The following DDX21 variants were observed in gnomAD, a reference collection of about 807,000 sequenced individuals.
DDX21 encodes DExD-box helicase 21.
Under a neutral mutation model 90.0 loss-of-function variants are expected in DDX21, and 18 were observed. That is an observed-to-expected ratio of 0.20 (90% CI 0.14 to 0.30). The LOEUF (loss-of-function observed/expected upper bound fraction) is 0.30, where lower values mean the gene tolerates loss of function less well. DDX21 is among the 10% of genes least tolerant of loss of function. The pLI, the probability that DDX21 is intolerant of heterozygous loss-of-function variation, is 1.00. For missense variants in DDX21, 673 were observed against 944.5 expected, an observed-to-expected ratio of 0.71 and a Z score of 3.77; for synonymous variants, 294 against 318.0, an observed-to-expected ratio of 0.92 and a Z score of 0.80.
At chr10:68,982,427 A>T (rs1473336000) in intron 14 of DDX21, 116 bp from the exon 15 acceptor site, 2 of 1,382,228 alleles carry the variant, frequency 1.4e-6, no homozygotes, top group African/African-American at 2.9e-5. Context: ...GTGACTTGTT[A>T]AGCACTTATG....
In DDX21 at chr10:68,956,537, C is replaced by T. The variant is rs1042701570; in HGVS notation, c.87+225C>T. The T allele has an allele frequency of 1.7e-5, 24 of 1,397,562 alleles. No homozygotes were observed. In the Admixed American group the frequency reaches 1.8e-4, roughly 10 times the overall value. The allele number at this position is 1,397,562 out of a possible 1,614,324, so 86.6% of individuals were successfully genotyped here. ...CAGGTCCGCCGTGCGCTGACCTCTT[C>T]CTCTGAGCTTATAGGCATCCACAGG... On this transcript the variant is annotated intron_variant, in intron 1 of 14. Transcript: ENST00000354185.
At chr10:68,981,302 T>C (rs1422651947) in intron 13 of DDX21, among the ~76,000 whole-genome samples, 1 of 152,254 alleles carries the variant, frequency 6.6e-6, no homozygotes, top group Non-Finnish European at 1.5e-5. Context: ...TGTCTATAGT[T>C]AGAAAGTTCT....
intron 11 of DDX21, among the ~76,000 whole-genome samples, chr10:68,976,637 G>A (rs1843105711): frequency 6.6e-6 from 1 of 152,070 alleles, no homozygotes; most frequent in Non-Finnish European, 1.5e-5. Flanking sequence ...AGCATGGCAT[G>A]TTTTTTTAAG....
chr10:68,973,397 G>A, intron 9 of DDX21, 148 bp from the exon 10 acceptor site: 7 of 911,260 alleles, frequency 7.7e-6, no homozygotes, highest in Non-Finnish European at 1.1e-5. Flanking sequence ...ATTGCCAGAG[G>A]TCTTTAAATT....
At chr10:68,974,192 A>G (rs900117936) in intron 10 of DDX21, among the ~76,000 whole-genome samples, 24 of 152,348 alleles carry the variant, frequency 1.6e-4, no homozygotes, top group Middle Eastern at 6.8e-3. Flanking sequence ...GGGTCACATC[A>G]TTAGTGATAG....
intron 9 of DDX21, among the ~76,000 whole-genome samples, chr10:68,972,806 G>A (rs930776054): frequency 3.9e-5 from 6 of 152,080 alleles, no homozygotes; most frequent in African/African-American, 7.2e-5. Context: ...TTTATTATGC[G>A]GTCTGGATTT....
At chr10:68,969,361 C>T (rs2132086858) in intron 7 of DDX21, among the ~76,000 whole-genome samples, 1 of 152,316 alleles carries the variant, frequency 6.6e-6, no homozygotes, top group African/African-American at 2.4e-5. Context: ...TTCACTGCAA[C>T]CTCCACCTCC....
At chr10:68,957,041 C>CAAAAA (rs34149138) in intron 1 of DDX21, among the ~76,000 whole-genome samples, 1 of 138,210 alleles carries the variant, frequency 7.2e-6, no homozygotes, top group African/African-American at 2.7e-5. Context: ...AACTCCATCT[C>CAAAAA]AAAAAAAAAA....
At chr10:68,962,448 G>A (rs1048700418) in intron 3 of DDX21, among the ~76,000 whole-genome samples, 4 of 152,112 alleles carry the variant, frequency 2.6e-5, no homozygotes, top group Non-Finnish European at 4.4e-5. Flanking sequence ...AACCTGTCCC[G>A]ACAAAAAGTT....
chr10:68,981,672 G>A, intron 14 of DDX21, 91 bp downstream of exon 14: 1 of 1,135,352 alleles, frequency 8.8e-7, no homozygotes, highest in Non-Finnish European at 1.3e-6. Flanking sequence ...GGAAACAATA[G>A]TTCTGGTTCC....
intron 3 of DDX21, among the ~76,000 whole-genome samples, chr10:68,963,024 G>A (rs1298457253): frequency 6.6e-6 from 1 of 152,158 alleles, no homozygotes; most frequent in African/African-American, 2.4e-5. Context: ...CTGTCCATCA[G>A]GCTGAGGCAG....
At chr10:68,982,470 TTTTG>T (rs1323584133) in intron 14 of DDX21, 69 bp from the exon 15 acceptor site, 6 of 1,531,252 alleles carry the variant, frequency 3.9e-6, no homozygotes, top group East Asian at 2.3e-5. Flanking sequence ...GTGGCAAATA[TTTTG>T]TTTTTCTCAT....
At chr10:68,966,911 A>T in intron 5 of DDX21, 107 bp from the exon 6 acceptor site, 1 of 817,324 alleles carries the variant, frequency 1.2e-6, no homozygotes, top group Non-Finnish European at 1.8e-6. Context: ...TTGTACTTGT[A>T]GGTATTTAAC....
chr10:68,972,996 C>G (rs1354627131), intron 9 of DDX21, among the ~76,000 whole-genome samples: 1 of 151,952 alleles, frequency 6.6e-6, no homozygotes, highest in Non-Finnish European at 1.5e-5. Context: ...ACCAGCCTGG[C>G]CAATATGGTG....
chr10:68,981,594 C>T lies in DDX21; in HGVS notation c.2082+13C>T. On this transcript the variant is annotated intron_variant, in intron 14 of 14. Transcript: ENST00000354185. The stretch of plus-strand genomic sequence containing the variant: ...AACAGAAATACAGGTATTCTTTTCC[C>T]TTAGATTTTAAAGTTAACATACCTA... 6.2e-7 allele frequency: 1 copy of T among 1,601,984 alleles called. No homozygotes were observed. Among genetic ancestry groups the T allele is most frequent in the Non-Finnish European group, 8.5e-7 (1 of 1,171,424 alleles).
In DDX21 at chr10:68,971,932, G is replaced by A. The variant is rs75964902; in HGVS notation, c.1428G>A (p.Arg476=). The change falls in exon 9 of 15, where the codon AGG becomes AGA. Residue 476 remains arginine (R), a synonymous_variant. Transcript: ENST00000354185. ...SLHGDIPQKQ[R]EITLKGFRNG... The stretch of plus-strand genomic sequence containing the variant: ...ATGGAGACATTCCACAGAAGCAAAG[G>A]GAAATCACCCTGAAAGGTTTTAGAA... 6.2e-7 allele frequency: 1 copy of A among 1,614,158 alleles called. No individual in the cohort carries two copies. Among genetic ancestry groups the A allele is most frequent in the Non-Finnish European group, 8.5e-7 (1 of 1,179,994 alleles).
intron 14 of DDX21, 132 bp downstream of exon 14, chr10:68,981,713 TG>T: frequency 1.2e-6 from 1 of 828,892 alleles, no homozygotes; most frequent in Non-Finnish European, 1.9e-6. Context: ...AATTAAATTT[TG>T]GAATATTCCC....
chr10:68,969,018 G>T lies in DDX21; in HGVS notation c.1133G>T (p.Cys378Phe). 1 of 1,613,602 alleles carries T rather than the reference G, an allele frequency of 6.2e-7. No homozygotes were observed. ...CAAACATTGCTTTTTTCTGCAACTT[G>T]CCCTCATTGGGTATTTAATGTTGCC... is the stretch of plus-strand genomic sequence containing the variant. ...NPQTLLFSAT[C>F]PHWVFNVAKK... Residue 378 changes from cysteine (C) to phenylalanine (F), a missense_variant, in exon 7 of 15, where the codon TGC becomes TTC. Cys to Phe is a radical substitution (Grantham distance 205). This residue lies in a region of DDX21 where 218 missense variants were observed against 347.3 expected (regional missense o/e 0.63). Transcript: ENST00000354185.
At position 68,962,175 on chromosome 10, in the gene DDX21, A is replaced by G; in HGVS notation, c.607+18A>G. On this transcript the variant is annotated intron_variant, in intron 3 of 14. Coordinates refer to ENST00000354185, the MANE Select transcript of DDX21 (RefSeq NM_004728.4). ...TCTCAAAGGTAATGTTCTTGGAAAT[A>G]TCGTATGATGTTAGAACGTATTATT... is the stretch of plus-strand genomic sequence containing the variant. 1 of 1,548,772 alleles carries G rather than the reference A, an allele frequency of 6.5e-7. No homozygotes were observed.
Sources: gnomAD v4.1 joint callset for allele counts (sites outside exome capture counted in the v4.1 genomes callset) on GRCh38, gnomAD v4.1.1 for gene constraint, gnomAD v4.1.1 regional missense constraint, MANE v1.5 for transcripts, NCBI Gene and HGNC (gene_info 2026-07-23, HGNC 2026-07-21) for gene names.